The following STK10 variants were observed in gnomAD, a reference collection of about 807,000 sequenced individuals.
STK10 encodes the protein serine/threonine-protein kinase 10.
In STK10, 78 loss-of-function variants were observed where a neutral mutation model predicts 113.8. The ratio of observed to expected loss-of-function variants is 0.69; its 90% confidence interval spans 0.57 to 0.83. STK10 has a LOEUF of 0.83. STK10 is among the 40% of genes least tolerant of loss of function. The probability of loss-of-function intolerance (pLI) is 0.00; values close to 1 mark genes in which losing one functional copy is unlikely to be tolerated. For synonymous variants in STK10, 465 were observed against 494.7 expected, an observed-to-expected ratio of 0.94 and a Z score of 0.80; for missense variants, 1,109 against 1,280.1, an observed-to-expected ratio of 0.87 and a Z score of 2.04.
At chr5:172,068,012 G>A (rs562615129) in intron 12 of STK10, among the ~76,000 whole-genome samples, 69 of 152,240 alleles carry the variant, frequency 4.5e-4, no homozygotes, top group African/African-American at 1.3e-3. Flanking sequence ...CAGACACTAG[G>A]GAGGCCAAAA....
intron 2 of STK10, among the ~76,000 whole-genome samples, chr5:172,132,047 C>T (rs1309877639): frequency 1.3e-5 from 2 of 152,198 alleles, no homozygotes; most frequent in Non-Finnish European, 2.9e-5. Flanking sequence ...CCTTGGACTT[C>T]CCAGCCTCCA....
At chr5:172,110,239 A>G (rs3103582) in intron 4 of STK10, among the ~76,000 whole-genome samples, 28,052 of 152,210 alleles carry the variant, frequency 0.18, 3,347 homozygotes, top group African/African-American at 0.34. Flanking sequence ...GGGGCTACTC[A>G]AGAGTGCACA....
intron 2 of STK10, among the ~76,000 whole-genome samples, chr5:172,147,777 G>C (rs973417074): frequency 6.6e-6 from 1 of 152,166 alleles, no homozygotes; most frequent in Non-Finnish European, 1.5e-5. Flanking sequence ...TCAGATTAGA[G>C]TCCTGCCTTA....
At chr5:172,057,605 CAT>C in intron 14 of STK10, 132 bp from the exon 15 acceptor site, 2 of 1,392,406 alleles carry the variant, frequency 1.4e-6, no homozygotes, top group South Asian at 1.4e-5. Context: ...GGAATTGCCA[CAT>C]GTTCTACCTC....
Position 172,187,820 on chromosome 5 carries a change from G to T in STK10, c.156+67C>A. 1 of 1,575,398 alleles carries T rather than the reference G, an allele frequency of 6.3e-7. No individual in the cohort carries two copies. ...AGCCGGAGCCAGGCTGGCCGGGTCC[G>T]GCTCAGGCATCCCTTCCTTCCGGAG... On this transcript the variant is annotated intron_variant, in intron 1 of 18. Coordinates refer to ENST00000176763, the MANE Select transcript of STK10 (RefSeq NM_005990.4). The surrounding 1 kb of genome is among the most constrained non-coding windows in gnomAD (Gnocchi z 4.6).
At chr5:172,178,966 G>A (rs1160462615) in intron 1 of STK10, among the ~76,000 whole-genome samples, 2 of 152,080 alleles carry the variant, frequency 1.3e-5, no homozygotes, top group East Asian at 1.9e-4. Context: ...TATAATGTAC[G>A]TAACAGCTCC....
intron 14 of STK10, among the ~76,000 whole-genome samples, chr5:172,059,493 GC>G (rs1490445249): frequency 6.0e-5 from 9 of 149,250 alleles, no homozygotes; most frequent in African/African-American, 2.2e-4. Context: ...TTTGGAGCCT[GC>G]CTACTTTGCA....
Position 172,137,394 on chromosome 5 carries a change from G to A in STK10, c.322-9973C>T, listed in dbSNP as rs188692542. 1.6e-3 allele frequency among the ~76,000 whole-genome samples: 244 copies of A among 152,058 alleles called. 1 individual carries two copies. The highest frequency in any genetic ancestry group is 4.7e-3 in the Admixed American group (71 of 15,250). ...GATTTATTCCTGGAATGTAAGGATG[G>A]TTCAACATTCAAAAATCTATCAATG... On this transcript the variant is annotated intron_variant, in intron 2 of 18. Coordinates refer to ENST00000176763, the MANE Select transcript of STK10 (RefSeq NM_005990.4).
intron 1 of STK10, among the ~76,000 whole-genome samples, chr5:172,171,736 G>C (rs1372874090): frequency 6.6e-6 from 1 of 151,062 alleles, no homozygotes; most frequent in Non-Finnish European, 1.5e-5. Flanking sequence ...AAAATGAATA[G>C]AATAGAATAG....
At chr5:172,103,709 C>T (rs1769042594) in intron 7 of STK10, among the ~76,000 whole-genome samples, 1 of 152,080 alleles carries the variant, frequency 6.6e-6, no homozygotes, top group Admixed American at 6.6e-5. Flanking sequence ...GACCCCCCAC[C>T]CCCGGCAGTA....
At chr5:172,162,434 GCT>G (rs373193898) in intron 1 of STK10, among the ~76,000 whole-genome samples, 140 of 150,486 alleles carry the variant, frequency 9.3e-4, no homozygotes, top group South Asian at 6.4e-3. Context: ...TCGCTCACTT[GCT>G]CTCTCTCTCT....
chr5:172,079,256 T>C (rs544713489), intron 12 of STK10, among the ~76,000 whole-genome samples: 5 of 152,288 alleles, frequency 3.3e-5, no homozygotes, highest in East Asian at 3.9e-4. Flanking sequence ...TTCCAGCTCT[T>C]TGAACACTCC....
intron 18 of STK10, 131 bp from the exon 19 acceptor site, chr5:172,045,153 T>C (rs1263907994): frequency 2.2e-6 from 3 of 1,355,508 alleles, no homozygotes; most frequent in Non-Finnish European, 3.0e-6. Context: ...CTTGAGAAAC[T>C]ACGGCTTCCC....
Position 172,044,599 on chromosome 5 carries a change from C to A in STK10, c.*283G>T, listed in dbSNP as rs771304299. ...CATTCCTCTTGGACCCTGACCCCAC[C>A]AACAGCCCCATCCCTTCCAGCTTGA... On this transcript the variant is annotated 3_prime_UTR_variant, in exon 19 of 19. Coordinates refer to ENST00000176763, the MANE Select transcript of STK10 (RefSeq NM_005990.4). The surrounding 1 kb of genome is among the most constrained non-coding windows in gnomAD (Gnocchi z 4.5). 196 of 499,704 alleles carry A rather than the reference C, an allele frequency of 3.9e-4. 1 individual carries two copies. The highest frequency in any genetic ancestry group is 6.1e-4 in the Non-Finnish European group (169 of 276,034). 31.0% of individuals were successfully genotyped at this position (499,704 alleles called of 1,614,324 possible). A position where few individuals can be genotyped will look rare whatever the true frequency, so the allele number is the denominator to read the frequency against.
At chr5:172,134,197 C>T (rs1177069243) in intron 2 of STK10, among the ~76,000 whole-genome samples, 2 of 152,198 alleles carry the variant, frequency 1.3e-5, no homozygotes, top group Non-Finnish European at 2.9e-5. Flanking sequence ...GGCAAACTGG[C>T]AGAAGTACTG....
intron 1 of STK10, among the ~76,000 whole-genome samples, chr5:172,168,632 C>T (rs146722871): frequency 8.2e-4 from 125 of 152,314 alleles, no homozygotes; most frequent in African/African-American, 3.0e-3. Flanking sequence ...TTCTCCAGCA[C>T]AGGCCCATGA....
intron 18 of STK10, among the ~76,000 whole-genome samples, chr5:172,048,606 CTGATACCATCCTAGT>C (rs997974179): frequency 2.4e-4 from 37 of 151,718 alleles, no homozygotes; most frequent in African/African-American, 5.4e-4. Context: ...CCCCCAACCT[CTGATACCATCCTAGT>C]TCAAGATACC....
intron 2 of STK10, among the ~76,000 whole-genome samples, chr5:172,130,978 C>T (rs1425616783): frequency 6.8e-6 from 1 of 147,880 alleles, no homozygotes; most frequent in Non-Finnish European, 1.5e-5. Context: ...ACTACAATTT[C>T]TTTATGTATT....
At chr5:172,089,601 G>GT (rs1430634238) in intron 10 of STK10, among the ~76,000 whole-genome samples, 1 of 152,170 alleles carries the variant, frequency 6.6e-6, no homozygotes. Context: ...AAAATGGACG[G>GT]ATGGGTGATT....
Sources: gnomAD v4.1 joint callset for allele counts (sites outside exome capture counted in the v4.1 genomes callset) on GRCh38, gnomAD v4.1.1 for gene constraint, Gnocchi (gnomAD v3.1) non-coding constraint, MANE v1.5 for transcripts, NCBI Gene and HGNC (gene_info 2026-07-23, HGNC 2026-07-21) for gene names.